PRPF6: variants seen among roughly 807,000 people sequenced by gnomAD.
PRPF6 encodes pre-mRNA processing factor 6.
A neutral mutation model predicts 118.3 loss-of-function variants in PRPF6; 42 were observed. That is an observed-to-expected ratio of 0.35 (90% CI 0.28 to 0.46). The LOEUF is 0.46. PRPF6 is among the 20% of genes least tolerant of loss of function. PRPF6 has a pLI of 1.00. For missense variants in PRPF6, 662 were observed against 1,255.7 expected, an observed-to-expected ratio of 0.53 and a Z score of 7.15; for synonymous variants, 481 against 485.1, an observed-to-expected ratio of 0.99 and a Z score of 0.11.
At chr20:63,989,654 T>C (rs1401548891) in intron 3 of PRPF6, among the ~76,000 whole-genome samples, 1 of 152,110 alleles carries the variant, frequency 6.6e-6, no homozygotes, top group African/African-American at 2.4e-5. Flanking sequence ...TAGCTGGGAT[T>C]ACAGGTGCCT....
intron 4 of PRPF6, 76 bp downstream of exon 4, chr20:63,993,561 T>TA: frequency 1.6e-6 from 2 of 1,238,042 alleles, no homozygotes; most frequent in Admixed American, 1.7e-5. Context: ...AGACTGCTCT[T>TA]ACGTGGAATT....
At chr20:64,001,876 C>T (rs2059167762) in intron 9 of PRPF6, among the ~76,000 whole-genome samples, 1 of 152,144 alleles carries the variant, frequency 6.6e-6, no homozygotes, top group Non-Finnish European at 1.5e-5. Context: ...AAAAGGAGCA[C>T]TGTTTCTCCT....
chr20:63,998,252 G>C (rs1056653221), intron 6 of PRPF6, among the ~76,000 whole-genome samples: 2 of 151,340 alleles, frequency 1.3e-5, no homozygotes, highest in African/African-American at 4.9e-5. Flanking sequence ...GTGCCACCAC[G>C]CCTGGCTAAT....
At chr20:64,022,646 C>A in intron 12 of PRPF6, 111 bp from the exon 13 acceptor site, 2 of 1,507,268 alleles carry the variant, frequency 1.3e-6, no homozygotes, top group African/African-American at 1.4e-5. Flanking sequence ...CTGTGGTACA[C>A]CTTCTAGCAG....
chr20:64,023,721 C>T (rs924351328), intron 13 of PRPF6, among the ~76,000 whole-genome samples: 3 of 152,218 alleles, frequency 2.0e-5, no homozygotes, highest in African/African-American at 7.2e-5. Context: ...CATGGTGCCC[C>T]TCTGTAGAAG....
At chr20:63,982,805 G>A (rs1432987524) in intron 1 of PRPF6, among the ~76,000 whole-genome samples, 6 of 152,158 alleles carry the variant, frequency 3.9e-5, no homozygotes, top group African/African-American at 1.4e-4. Context: ...TGTGGAGGGG[G>A]AGATGATCGA....
chr20:63,982,178 A>T (rs760727782), intron 1 of PRPF6, among the ~76,000 whole-genome samples: 9 of 151,818 alleles, frequency 5.9e-5, no homozygotes, highest in Non-Finnish European at 1.2e-4. Context: ...TATTATTATT[A>T]TTATTATTTT....
Position 64,026,992 on chromosome 20 carries a change from A to G in PRPF6, c.2039A>G (p.Lys680Arg). 5 of 1,613,898 alleles carry G rather than the reference A, an allele frequency of 3.1e-6. No homozygotes were observed. The highest frequency in any genetic ancestry group is 4.2e-6 in the Non-Finnish European group (5 of 1,180,030). The change falls in exon 16 of 21, where the codon AAG (lysine) becomes AGG (arginine). Residue 680 changes from lysine (K) to arginine (R), a missense_variant. This residue lies in a region of PRPF6 where 244 missense variants were observed against 383.7 expected (regional missense o/e 0.64). Transcript: ENST00000266079. The surrounding 1 kb of genome is among the most constrained non-coding windows in gnomAD (Gnocchi z 4.4). ...ATGTCTGCCCCACAGGTGTTCATGAAGTCTGTGAAGCTGGAGTGGGTGCAA... is the reference window on the plus strand; with the variant it reads ...ATGTCTGCCCCACAGGTGTTCATGAGGTCTGTGAAGCTGGAGTGGGTGCAA... ...SSAPTARVFM[K>R]SVKLEWVQDN...
At chr20:63,995,211 T>G (rs1263778055) in intron 5 of PRPF6, 116 bp from the exon 6 acceptor site, 4 of 1,576,432 alleles carry the variant, frequency 2.5e-6, no homozygotes, top group Non-Finnish European at 3.5e-6. Context: ...TGGCCGAGTC[T>G]GTCTGCACAG....
rs1293100460 is a variant in PRPF6, at chr20:64,026,227, C to T, written c.2028+169C>T. On this transcript the variant is annotated intron_variant, in intron 15 of 20. Coordinates refer to ENST00000266079, the MANE Select transcript of PRPF6 (RefSeq NM_012469.4). The surrounding 1 kb of genome is among the most constrained non-coding windows in gnomAD (Gnocchi z 4.4). ...ACATTCATGTGGCCGGGCGTGGTGG[C>T]CGGGCGCGGTGGCTCACGCCTGTAA... Among the ~76,000 whole-genome samples, 1 of 151,750 alleles carries T rather than the reference C, an allele frequency of 6.6e-6. No individual in the cohort carries two copies. Among genetic ancestry groups the T allele is most frequent in the Non-Finnish European group, 1.5e-5 (1 of 67,852 alleles).
Position 64,027,855 on chromosome 20 carries a change from G to C in PRPF6, c.2339+119G>C, listed in dbSNP as rs556424772. The C allele has an allele frequency of 1.4e-4, 206 of 1,431,360 alleles. 1 individual carries two copies. The East Asian group carries it at 4.6e-3, about 32-fold the overall frequency. The allele number at this position is 1,431,360 out of a possible 1,614,324, so 88.7% of individuals were successfully genotyped here. ...AGTGCTTCCAGGCTCAGGGGCTTGG[G>C]GGGCGGTAGGTGCTGGCCATGAAAA... On this transcript the variant is annotated intron_variant, in intron 17 of 20. Transcript: ENST00000266079. The surrounding 1 kb of genome is among the most constrained non-coding windows in gnomAD (Gnocchi z 6.5).
chr20:64,032,924 C>T lies in PRPF6; in HGVS notation c.2757C>T (p.Ile919=), dbSNP rs763458789. ...TGTGGTGCGCCGTGTCCAAGGACAT[C>T]GCCAACTGGCAGAAGAAGATCGGGG... is the stretch of plus-strand genomic sequence containing the variant. ...GELWCAVSKD[I]ANWQKKIGDI... The change falls in exon 21 of 21, where the codon ATC becomes ATT. Residue 919 remains isoleucine (I), a synonymous_variant. Transcript: ENST00000266079. 12 of 1,613,294 alleles carry T rather than the reference C, an allele frequency of 7.4e-6. No homozygotes were observed. Among genetic ancestry groups the T allele is most frequent in the East Asian group, 2.2e-5 (1 of 44,892 alleles).
intron 3 of PRPF6, among the ~76,000 whole-genome samples, chr20:63,990,812 T>C (rs2059115549): frequency 6.6e-6 from 1 of 151,646 alleles, no homozygotes; most frequent in African/African-American, 2.4e-5. Flanking sequence ...GCCCGGCTGA[T>C]TTTTGTAGAG....
At chr20:63,990,177 G>C (rs1319902404) in intron 3 of PRPF6, among the ~76,000 whole-genome samples, 2 of 152,166 alleles carry the variant, frequency 1.3e-5, no homozygotes, top group African/African-American at 4.8e-5. Flanking sequence ...TAAACAACCA[G>C]ATCTTACGTG....
At chr20:63,986,489 CT>C (rs759745026) in intron 3 of PRPF6, among the ~76,000 whole-genome samples, 2,459 of 138,576 alleles carry the variant, frequency 0.018, 26 homozygotes, top group Middle Eastern at 0.031. Context: ...ACCATATGAT[CT>C]TTTTTTTTTT....
intron 12 of PRPF6, among the ~76,000 whole-genome samples, chr20:64,021,374 T>A (rs1413295450): frequency 6.8e-6 from 1 of 146,434 alleles, no homozygotes; most frequent in Non-Finnish European, 1.5e-5. Context: ...TGTGTGTGCA[T>A]GTATGTATAT....
chr20:63,994,959 C>T lies in PRPF6; in HGVS notation c.482C>T (p.Pro161Leu). 1.2e-6 allele frequency: 2 copies of T among 1,614,126 alleles called. No homozygotes were observed. The highest frequency in any genetic ancestry group is 1.7e-6 in the Non-Finnish European group (2 of 1,180,034). ...ACAGAAGAAGAGTGGCTGAGCATCCCCGAGGTTGGCGATGCCAGAAATAAA... is the reference window on the plus strand; with the variant it reads ...ACAGAAGAAGAGTGGCTGAGCATCCTCGAGGTTGGCGATGCCAGAAATAAA... ...EVTEEEWLSI[P>L]EVGDARNKRQ... The change falls in exon 5 of 21, where the codon CCC (proline) becomes CTC (leucine). Residue 161 changes from proline (P) to leucine (L), a missense_variant. Physicochemically the swap from Pro to Leu is moderately conservative, Grantham distance 98 (BLOSUM62 -3). Coordinates refer to ENST00000266079, the MANE Select transcript of PRPF6 (RefSeq NM_012469.4).
Position 64,024,759 on chromosome 20 carries a change from G to A in PRPF6, c.1908+66G>A. On this transcript the variant is annotated intron_variant, in intron 14 of 20. Transcript: ENST00000266079. ...CAGGAGCTGACCTGGGTGCTGACTG[G>A]GGCCTGAAAATCTCCCACATACAAT... The A allele has an allele frequency of 2.5e-6, 4 of 1,571,576 alleles. No homozygotes were observed. In the South Asian group the frequency reaches 3.4e-5, roughly 14 times the overall value.
chr20:63,986,339 C>G (rs2059092972), intron 3 of PRPF6, among the ~76,000 whole-genome samples: 1 of 139,396 alleles, frequency 7.2e-6, no homozygotes, highest in South Asian at 2.4e-4. Flanking sequence ...GAGCAAGACT[C>G]CATCTCAAAA....
Sources: allele counts gnomAD v4.1 joint callset (sites outside exome capture counted in the v4.1 genomes callset), GRCh38; gene constraint gnomAD v4.1.1; regional missense constraint gnomAD v4.1.1; non-coding constraint Gnocchi (gnomAD v3.1); transcripts MANE v1.5; gene names NCBI Gene and HGNC (gene_info 2026-07-23, HGNC 2026-07-21).